Variants in ACOXL observed in about 807,000 individuals in gnomAD.
ACOXL encodes the protein acyl-coenzyme A oxidase-like protein.
In ACOXL, 70 loss-of-function variants were observed where a neutral mutation model predicts 71.9. The ratio of observed to expected loss-of-function variants is 0.97; its 90% CI spans 0.80 to 1.19. The LOEUF (loss-of-function observed/expected upper bound fraction) is 1.19. ACOXL is among the 50% of genes most tolerant of loss of function. The pLI is 0.00. For synonymous variants in ACOXL, 253 were observed against 281.6 expected (o/e 0.90, Z 1.02); for missense variants, 703 against 736.3 (o/e 0.95, Z 0.52).
chr2:111,080,239 G>A (rs2149970573), intron 16 of ACOXL, among the ~76,000 whole-genome samples: 1 of 152,044 alleles, frequency 6.6e-6, no homozygotes, highest in East Asian at 1.9e-4. Context: ...TCTGATCTTA[G>A]TTATTTCTTG....
chr2:110,908,231 T>G (rs919193178), intron 10 of ACOXL, among the ~76,000 whole-genome samples: 2 of 152,158 alleles, frequency 1.3e-5, no homozygotes. Flanking sequence ...AGCCTCAGAG[T>G]GCAACGCAGA....
intron 12 of ACOXL, among the ~76,000 whole-genome samples, chr2:110,960,812 A>G (rs1028691068): frequency 1.3e-5 from 2 of 152,064 alleles, no homozygotes; most frequent in African/African-American, 2.4e-5. Flanking sequence ...GTTTATAATC[A>G]TTTGTCTCCA....
chr2:110,963,620 A>G lies in ACOXL; in HGVS notation c.1060-23488A>G, dbSNP rs769453691. ...GTGTGTGTGTTTTTCTCTTTCTGCA[A>G]CAGGGTTACATGATGGAAAATCGAA... On this transcript the variant is annotated intron_variant, in intron 12 of 17. Transcript: ENST00000439055. The G allele has an allele frequency of 8.1e-6, 13 of 1,612,574 alleles. No homozygotes were observed. In the South Asian group the frequency reaches 1.4e-4, roughly 18 times the overall value.
chr2:110,951,122 G>A (rs183283926), intron 12 of ACOXL, among the ~76,000 whole-genome samples: 27 of 152,286 alleles, frequency 1.8e-4, no homozygotes, highest in Admixed American at 5.2e-4. Context: ...AGGGAATGGG[G>A]TCACGTGTTA....
intron 10 of ACOXL, among the ~76,000 whole-genome samples, chr2:110,894,271 T>G (rs796917066): frequency 2.6e-5 from 4 of 151,196 alleles, no homozygotes; most frequent in African/African-American, 9.7e-5. Context: ...CTTTTTGTCT[T>G]ATTTTTCCTA....
chr2:111,116,185 C>T (rs1296625011), intron 17 of ACOXL, among the ~76,000 whole-genome samples: 4 of 152,176 alleles, frequency 2.6e-5, no homozygotes, highest in African/African-American at 9.7e-5. Context: ...TGAGAGTTGA[C>T]AGATTAGTCA....
intron 10 of ACOXL, among the ~76,000 whole-genome samples, chr2:110,885,472 C>CATT (rs577357525): frequency 1.7e-3 from 255 of 151,972 alleles, no homozygotes; most frequent in African/African-American, 5.7e-3. Context: ...AAATTGTCAG[C>CATT]ATTATTATTA....
intron 15 of ACOXL, among the ~76,000 whole-genome samples, chr2:111,035,365 C>T (rs989049904): frequency 6.6e-6 from 1 of 152,136 alleles, no homozygotes; most frequent in Non-Finnish European, 1.5e-5. Context: ...AATGATAAAT[C>T]GTTATTTTTC....
intron 17 of ACOXL, chr2:111,102,135 A>T (rs575364421): frequency 6.5e-6 from 1 of 152,778 alleles, no homozygotes; most frequent in South Asian, 2.1e-4. Context: ...AGAGACGAGA[A>T]AATCTCTCTT....
chr2:110,756,741 A>G (rs543821274), intron 1 of ACOXL, among the ~76,000 whole-genome samples: 1 of 152,236 alleles, frequency 6.6e-6, no homozygotes, highest in African/African-American at 2.4e-5. Flanking sequence ...TGTCTTACAT[A>G]TATTAAATTT....
At chr2:111,045,652 C>G (rs2065983400) in intron 15 of ACOXL, among the ~76,000 whole-genome samples, 1 of 152,134 alleles carries the variant, frequency 6.6e-6, no homozygotes, top group Non-Finnish European at 1.5e-5. Context: ...ACCCCCTCTT[C>G]TCTTTTGGGA....
At chr2:110,923,197 T>C (rs1187881307) in intron 11 of ACOXL, among the ~76,000 whole-genome samples, 1 of 152,222 alleles carries the variant, frequency 6.6e-6, no homozygotes, top group Non-Finnish European at 1.5e-5. Flanking sequence ...TCTAGTTTGC[T>C]CCTAGTTTAC....
chr2:111,022,742 C>T (rs2064828213), intron 14 of ACOXL, among the ~76,000 whole-genome samples: 2 of 152,128 alleles, frequency 1.3e-5, no homozygotes, highest in Admixed American at 6.5e-5. Flanking sequence ...AGGGAGGGCT[C>T]CTAGGGGCCT....
intron 16 of ACOXL, among the ~76,000 whole-genome samples, chr2:111,081,475 G>A (rs1009246571): frequency 1.3e-5 from 2 of 152,128 alleles, no homozygotes; most frequent in Non-Finnish European, 2.9e-5. Context: ...GGATGTGAAG[G>A]ACATCTTCAA....
chr2:110,760,644 G>T (rs1302519620), intron 1 of ACOXL, among the ~76,000 whole-genome samples: 1 of 152,190 alleles, frequency 6.6e-6, no homozygotes. Context: ...CCTAGAGGTA[G>T]GTTGGTTTAA....
chr2:111,096,224 AATT>A (rs67800488), intron 17 of ACOXL, among the ~76,000 whole-genome samples: 58,546 of 145,032 alleles, frequency 0.4, 11,798 homozygotes, highest in East Asian at 0.54. Context: ...TTATTTTTAA[AATT>A]ATTATTATTA....
chr2:111,066,084 C>T (rs1260552634), intron 16 of ACOXL, among the ~76,000 whole-genome samples: 5 of 152,198 alleles, frequency 3.3e-5, no homozygotes, highest in Non-Finnish European at 5.9e-5. Flanking sequence ...TATTAATGTA[C>T]ATAGCTGCTT....
intron 17 of ACOXL, among the ~76,000 whole-genome samples, chr2:111,104,119 T>A (rs1322238881): frequency 1.3e-5 from 2 of 152,226 alleles, no homozygotes; most frequent in Admixed American, 6.5e-5. Context: ...CCGAGCATAA[T>A]TTTCTGAAGA....
intron 5 of ACOXL, among the ~76,000 whole-genome samples, chr2:110,797,310 G>C (rs1685399856): frequency 6.6e-6 from 1 of 152,208 alleles, no homozygotes. Flanking sequence ...GACATATTCA[G>C]AGACAAACTG....
Sources: allele counts gnomAD v4.1 joint callset (sites outside exome capture counted in the v4.1 genomes callset), GRCh38; gene constraint gnomAD v4.1.1; transcripts MANE v1.5; gene names NCBI Gene and HGNC (gene_info 2026-07-23, HGNC 2026-07-21).